The following EFHC2 variants were observed in gnomAD, a reference collection of about 807,000 sequenced individuals.
The protein encoded by EFHC2 is EF-hand domain-containing family member C2.
Under a neutral mutation model 52.7 loss-of-function variants are expected in EFHC2, and 18 were observed. The ratio of observed to expected loss-of-function variants is 0.34; its 90% CI spans 0.24 to 0.51. EFHC2 has a LOEUF of 0.51. Ranked by LOEUF, EFHC2 falls within the 20% of genes least tolerant of loss-of-function variation. The pLI is 0.97. For missense variants in EFHC2, 513 were observed against 562.5 expected (o/e 0.91, Z 0.89); for synonymous variants, 203 against 204.1 (o/e 0.99, Z 0.04).
At chrX:44,227,616 C>G (rs1332207232) in intron 11 of EFHC2, among the ~76,000 whole-genome samples, 2 of 111,564 alleles carry the variant, frequency 1.8e-5, no homozygotes, top group East Asian at 2.8e-4. Flanking sequence ...TCCCCACCCT[C>G]AGAAAGCTCA....
chrX:44,192,999 A>G (rs961719158), intron 11 of EFHC2, among the ~76,000 whole-genome samples: 1 of 110,423 alleles, frequency 9.1e-6, no homozygotes, highest in African/African-American at 3.3e-5. Flanking sequence ...GGAGCCAGAC[A>G]TGCTTCATTA....
At chrX:44,173,205 G>A (rs992947072) in intron 13 of EFHC2, among the ~76,000 whole-genome samples, 2 of 111,882 alleles carry the variant, frequency 1.8e-5, no homozygotes, top group Non-Finnish European at 3.8e-5. Context: ...AGGGTTACAC[G>A]GCTGCTCAGC....
At chrX:44,324,511 G>T (rs1003145966) in intron 1 of EFHC2, among the ~76,000 whole-genome samples, 1 of 110,658 alleles carries the variant, frequency 9.0e-6, no homozygotes. Context: ...ATAGCTACAT[G>T]CTTGCTTCTT....
At chrX:44,317,254 C>A (rs2037989337) in intron 1 of EFHC2, among the ~76,000 whole-genome samples, 1 of 111,252 alleles carries the variant, frequency 9.0e-6, no homozygotes, top group Non-Finnish European at 1.9e-5. Context: ...TGTACCTAAT[C>A]ACAATAAACA....
At chrX:44,323,945 T>C in intron 1 of EFHC2, among the ~76,000 whole-genome samples, 1 of 111,188 alleles carries the variant, frequency 9.0e-6, no homozygotes, top group Non-Finnish European at 1.9e-5. Flanking sequence ...GAGGAGTTGA[T>C]AGTTTAAATT....
chrX:44,232,527 T>C lies in EFHC2; in HGVS notation c.1574A>G (p.Asn525Ser), dbSNP rs376768756. ...GTAGTTTAAGGTATACTCATCAGCATTGAGCAAACGAAATAGGTAACCATT... is the reference window on the plus strand; with the variant it reads ...GTAGTTTAAGGTATACTCATCAGCACTGAGCAAACGAAATAGGTAACCATT... ...NVNGYLFRLLNADEYTLNYME... is the reference protein window; with the variant it reads ...NVNGYLFRLLSADEYTLNYME... Residue 525 changes from asparagine (N) to serine (S), a missense_variant, in exon 10 of 15, where the codon AAT becomes AGT. Coordinates refer to ENST00000420999, the MANE Select transcript of EFHC2 (RefSeq NM_025184.4). The C allele has an allele frequency of 3.7e-5, 44 of 1,179,077 alleles. No homozygotes were observed. Among genetic ancestry groups the C allele is most frequent in the Middle Eastern group, 2.4e-4 (1 of 4,247 alleles).
intron 3 of EFHC2, among the ~76,000 whole-genome samples, chrX:44,261,886 AC>A (rs757013552): frequency 1.2e-3 from 133 of 110,127 alleles, no homozygotes; most frequent in African/African-American, 4.1e-3. Flanking sequence ...TCCTCTATCA[AC>A]CTATTTTTCC....
At chrX:44,331,345 G>T (rs965684560) in intron 1 of EFHC2, among the ~76,000 whole-genome samples, 2 of 112,092 alleles carry the variant, frequency 1.8e-5, no homozygotes, top group East Asian at 5.6e-4. Context: ...ATGGAAAACA[G>T]ATTCGTTGTT....
At chrX:44,272,971 A>G (rs1191615533) in intron 2 of EFHC2, 135 bp from the exon 3 acceptor site, 3 of 485,939 alleles carry the variant, frequency 6.2e-6, no homozygotes, top group Non-Finnish European at 1.0e-5. Flanking sequence ...AACTCATTCT[A>G]CACATCAGCC....
chrX:44,336,152 C>T (rs1021247543), intron 1 of EFHC2, among the ~76,000 whole-genome samples: 6 of 110,665 alleles, frequency 5.4e-5, no homozygotes, highest in African/African-American at 2.0e-4. Flanking sequence ...TTTGGGAGGC[C>T]GAGGTGGGTG....
At chrX:44,292,910 G>A (rs918586826) in intron 2 of EFHC2, among the ~76,000 whole-genome samples, 1 of 110,252 alleles carries the variant, frequency 9.1e-6, no homozygotes, top group Non-Finnish European at 1.9e-5. Flanking sequence ...ACAGCCTGCA[G>A]AACCATGAAC....
intron 1 of EFHC2, among the ~76,000 whole-genome samples, chrX:44,322,802 T>C (rs759668642): frequency 9.0e-6 from 1 of 111,571 alleles, no homozygotes; most frequent in African/African-American, 3.3e-5. Context: ...GGACCAAGTA[T>C]AGGAGTTCAA....
intron 11 of EFHC2, among the ~76,000 whole-genome samples, chrX:44,226,923 A>T (rs7052865): frequency 0.22 from 23,082 of 107,266 alleles, 2,057 homozygotes; most frequent in Middle Eastern, 0.29. Flanking sequence ...AGAAGAAGGA[A>T]GGAAGGAAGG....
chrX:44,306,380 C>G (rs948277946), intron 2 of EFHC2, among the ~76,000 whole-genome samples: 1 of 111,273 alleles, frequency 9.0e-6, no homozygotes, highest in Admixed American at 9.6e-5. Flanking sequence ...AAAATCATAC[C>G]TGCTGAGCCT....
chrX:44,284,910 G>C (rs1391695406), intron 2 of EFHC2: 1 of 111,849 alleles, frequency 8.9e-6, no homozygotes, highest in Non-Finnish European at 1.9e-5. Context: ...CCCTCTTCAG[G>C]GAGTGACTGG....
intron 2 of EFHC2, among the ~76,000 whole-genome samples, chrX:44,281,618 G>A (rs2037702679): frequency 8.9e-6 from 1 of 111,909 alleles, no homozygotes; most frequent in African/African-American, 3.3e-5. Context: ...CTCAGAAGGA[G>A]GAATGACATT....
At chrX:44,252,456 T>C (rs1263694386) in intron 4 of EFHC2, among the ~76,000 whole-genome samples, 2 of 112,265 alleles carry the variant, frequency 1.8e-5, no homozygotes, top group East Asian at 2.8e-4. Flanking sequence ...TTCAGTCTTA[T>C]CTCTGATATT....
intron 14 of EFHC2, among the ~76,000 whole-genome samples, chrX:44,162,874 G>A (rs73628310): frequency 0.031 from 3,493 of 111,314 alleles, 159 homozygotes; most frequent in African/African-American, 0.11. Context: ...CCCATCAGTA[G>A]TGGGCCCCTC....
intron 2 of EFHC2, chrX:44,310,370 G>T: frequency 2.2e-6 from 2 of 912,249 alleles, no homozygotes; most frequent in Non-Finnish European, 3.1e-6. Context: ...CCCGCTCAGG[G>T]CCGGCGGCCT....
Sources: gnomAD v4.1 joint callset for allele counts (sites outside exome capture counted in the v4.1 genomes callset) on GRCh38, gnomAD v4.1.1 for gene constraint, MANE v1.5 for transcripts, NCBI Gene and HGNC (gene_info 2026-07-23, HGNC 2026-07-21) for gene names.